The following NEK10 variants were observed in gnomAD, a reference collection of about 807,000 sequenced individuals.
NEK10 encodes serine/threonine-protein kinase Nek10.
In NEK10, 122 loss-of-function variants were observed where a neutral mutation model predicts 159.8. The ratio of observed to expected loss-of-function variants is 0.76; its 90% confidence interval spans 0.66 to 0.89. NEK10 has a LOEUF of 0.89. Among genes scored for constraint, NEK10 ranks in the 40% least tolerant of loss-of-function variants. The pLI, the probability that NEK10 is intolerant of heterozygous loss-of-function variation, is 0.00. For missense variants in NEK10, 1,342 were observed against 1,323.1 expected (o/e 1.01, Z -0.22); for synonymous variants, 466 against 457.1 (o/e 1.02, Z -0.25).
chr3:27,147,098 A>G (rs1030633675), intron 30 of NEK10, among the ~76,000 whole-genome samples: 7 of 152,204 alleles, frequency 4.6e-5, no homozygotes, highest in African/African-American at 1.7e-4. Context: ...TCAGAAAGTC[A>G]CAACTTCTTT....
intron 3 of NEK10, 26 bp from the exon 4 acceptor site, chr3:27,346,242 A>G (rs1286986263): frequency 6.2e-7 from 1 of 1,612,706 alleles, no homozygotes; most frequent in East Asian, 2.2e-5. Context: ...CATAGAGTAC[A>G]TGAGGATCAC....
In NEK10 at chr3:27,109,822, A is replaced by G. The variant is rs1939343812; in HGVS notation, c.*1450T>C. 6.6e-6 allele frequency among the ~76,000 whole-genome samples: 1 copy of G among 152,168 alleles called. No individual in the cohort carries two copies. The highest frequency in any genetic ancestry group is 2.1e-4 in the South Asian group (1 of 4,828). ...AATTTTCATTACTGTATTTGCATCTATTATCTTACATTACAGTGTATCTGT... is the reference window on the plus strand; with the variant it reads ...AATTTTCATTACTGTATTTGCATCTGTTATCTTACATTACAGTGTATCTGT... On this transcript the variant is annotated 3_prime_UTR_variant, in exon 36 of 36. Coordinates refer to ENST00000691995, the MANE Select transcript of NEK10 (RefSeq NM_001394966.1).
intron 31 of NEK10, among the ~76,000 whole-genome samples, chr3:27,137,836 T>C (rs930231833): frequency 1.3e-5 from 2 of 152,160 alleles, no homozygotes; most frequent in Non-Finnish European, 2.9e-5. Context: ...GCTTAAAGAC[T>C]ACCCAGGCTA....
At chr3:27,317,839 G>C (rs2045321406) in intron 6 of NEK10, among the ~76,000 whole-genome samples, 1 of 151,998 alleles carries the variant, frequency 6.6e-6, no homozygotes, top group Non-Finnish European at 1.5e-5. Flanking sequence ...GTCTCCCTCT[G>C]TTGCCCAGGC....
In NEK10 at chr3:27,278,836, G is replaced by C. The variant is rs1015312969; in HGVS notation, c.2014+5766C>G. The C allele has an allele frequency of 4.1e-6, 4 of 985,022 alleles. No individual in the cohort carries two copies. The African/African-American group carries it at 7.0e-5, about 17-fold the overall frequency. The allele number at this position is 985,022 out of a possible 1,614,324, so 61.0% of individuals were successfully genotyped here. A position where few individuals can be genotyped will look rare whatever the true frequency, so the allele number is the denominator to read the frequency against. On this transcript the variant is annotated intron_variant, in intron 22 of 35. Transcript: ENST00000691995. The stretch of plus-strand genomic sequence containing the variant: ...TCCCTCAAGAGTCATTTTGTAATGT[G>C]ATGGCACAATATGGACCTTATTTGG...
rs775033273 is a variant in NEK10, at chr3:27,293,562, T to A, written c.1373+26A>T. 329 of 1,238,556 alleles carry A rather than the reference T, an allele frequency of 2.7e-4. 1 individual carries two copies. Among genetic ancestry groups the A allele is most frequent in the Non-Finnish European group, 2.1e-5 (18 of 860,582 alleles). 76.7% of individuals were successfully genotyped at this position (1,238,556 alleles called of 1,614,324 possible). A position where few individuals can be genotyped will look rare whatever the true frequency, so the allele number is the denominator to read the frequency against. The stretch of plus-strand genomic sequence containing the variant: ...TCTAATGATCTCCTAAACCTAATGA[T>A]CACTTATATTTCTCTAACCTCATAC... On this transcript the variant is annotated intron_variant, in intron 16 of 35. Transcript: ENST00000691995.
chr3:27,115,291 G>A (rs1940235957), intron 35 of NEK10, among the ~76,000 whole-genome samples: 1 of 152,110 alleles, frequency 6.6e-6, no homozygotes, highest in African/African-American at 2.4e-5. Context: ...TAACTTCATA[G>A]TAAACTAATT....
At chr3:27,111,513 C>A (rs1466379144) in intron 35 of NEK10, among the ~76,000 whole-genome samples, 193 bp from the exon 36 acceptor site, 1 of 152,172 alleles carries the variant, frequency 6.6e-6, no homozygotes, top group Non-Finnish European at 1.5e-5. Flanking sequence ...CAAGGCCTTT[C>A]TCAAATTATG....
intron 6 of NEK10, among the ~76,000 whole-genome samples, chr3:27,316,616 A>T (rs1012422787): frequency 1.3e-5 from 2 of 152,158 alleles, no homozygotes; most frequent in African/African-American, 4.8e-5. Context: ...GGAAGAGAAT[A>T]ATGTTTAAAT....
intron 1 of NEK10, among the ~76,000 whole-genome samples, chr3:27,365,597 G>GT (rs71091128): frequency 0.02 from 1,848 of 90,902 alleles, 45 homozygotes; most frequent in Non-Finnish European, 0.024. Context: ...GGTTTTTTGT[G>GT]TTTTTTTTTT....
At chr3:27,152,652 A>G (rs796288845) in intron 30 of NEK10, among the ~76,000 whole-genome samples, 78 of 152,324 alleles carry the variant, frequency 5.1e-4, no homozygotes, top group African/African-American at 1.8e-3. Context: ...TGAATGCAAC[A>G]GCACCTCACA....
intron 23 of NEK10, among the ~76,000 whole-genome samples, chr3:27,207,697 A>G (rs1269156262): frequency 6.6e-6 from 1 of 152,172 alleles, no homozygotes; most frequent in East Asian, 1.9e-4. Flanking sequence ...TAAAAAGTAC[A>G]TTTAGTTCTC....
chr3:27,291,564 C>T lies in NEK10; in HGVS notation c.1396G>A (p.Glu466Lys). The change falls in exon 17 of 36, where the codon GAG becomes AAG. Residue 466 changes from glutamate to lysine, a missense_variant. By Grantham distance (56) the Glu-to-Lys change is moderately conservative. Transcript: ENST00000691995. Reference protein sequence around the residue: ...FKRLFPTDLFEIFIDIGHYVR... With the variant: ...FKRLFPTDLFKIFIDIGHYVR... Reference sequence around the variant, plus strand: ...TAATGCCCTATGTCAATGAAGATCTCAAACAAGTCTGTGGGGAAAAGTCTA... The same window carrying T: ...TAATGCCCTATGTCAATGAAGATCTTAAACAAGTCTGTGGGGAAAAGTCTA... 1 of 1,603,886 alleles carries T rather than the reference C, an allele frequency of 6.2e-7. No individual in the cohort carries two copies. The highest frequency in any genetic ancestry group is 1.1e-5 in the South Asian group (1 of 90,862).
intron 5 of NEK10, among the ~76,000 whole-genome samples, chr3:27,322,794 C>G (rs2045742363): frequency 6.6e-6 from 1 of 152,086 alleles, no homozygotes. Context: ...TCATAGCAAC[C>G]ACTGAAAACT....
chr3:27,115,776 A>T lies in NEK10; in HGVS notation c.3299+164T>A, dbSNP rs368711331. Among the ~76,000 whole-genome samples the T allele has an allele frequency of 3.9e-5, 6 of 152,196 alleles. No individual in the cohort carries two copies. The East Asian group carries it at 9.6e-4, about 24-fold the overall frequency. ...GTCCACACAAAAGATGGGCACATAT[A>T]TTCTACTTATAGATGTATCTAGTCT... On this transcript the variant is annotated intron_variant, in intron 35 of 35. Transcript: ENST00000691995.
intron 23 of NEK10, among the ~76,000 whole-genome samples, chr3:27,207,257 G>C (rs535714898): frequency 2.0e-5 from 3 of 152,224 alleles, no homozygotes; most frequent in Admixed American, 6.5e-5. Flanking sequence ...TGACAACTAA[G>C]GGTTTATAAG....
chr3:27,330,597 C>T (rs970020361), intron 5 of NEK10, among the ~76,000 whole-genome samples: 10 of 151,944 alleles, frequency 6.6e-5, no homozygotes, highest in Non-Finnish European at 5.9e-5. Flanking sequence ...CTGTGTTTTC[C>T]AAAATTTTTA....
Position 27,271,174 on chromosome 3 carries a change from T to C in NEK10, c.2014+13428A>G, listed in dbSNP as rs139760487. On this transcript the variant is annotated intron_variant, in intron 22 of 35. Transcript: ENST00000691995. ...TTCTATCTATCTATCTATCTATCTATCTATCTATCTATCTATCTATCTACC... is the reference window on the plus strand; with the variant it reads ...TTCTATCTATCTATCTATCTATCTACCTATCTATCTATCTATCTATCTACC... 6.6e-5 allele frequency among the ~76,000 whole-genome samples: 10 copies of C among 151,548 alleles called. No individual in the cohort carries two copies. The East Asian group carries it at 1.9e-3, about 29-fold the overall frequency.
chr3:27,364,419 G>A (rs1449982527), intron 1 of NEK10, among the ~76,000 whole-genome samples: 2 of 147,082 alleles, frequency 1.4e-5, no homozygotes, highest in Middle Eastern at 6.9e-3. Context: ...GTAGAGACGG[G>A]GTTTCACCAT....
Sources: gnomAD v4.1 joint callset for allele counts (sites outside exome capture counted in the v4.1 genomes callset) on GRCh38, gnomAD v4.1.1 for gene constraint, MANE v1.5 for transcripts, NCBI Gene and HGNC (gene_info 2026-07-23, HGNC 2026-07-21) for gene names.